Variants in SERAC1 observed in about 807,000 individuals in gnomAD.
SERAC1 encodes the protein protein SERAC1.
A neutral mutation model predicts 85.7 loss-of-function variants in SERAC1; 36 were observed. The observed-to-expected ratio is 0.42, with a 90% CI of 0.32 to 0.55. The LOEUF (loss-of-function observed/expected upper bound fraction) is 0.55. Ranked by LOEUF, SERAC1 falls within the 20% of genes least tolerant of loss-of-function variation. The pLI, the probability that SERAC1 is intolerant of heterozygous loss-of-function variation, is 0.11. For missense variants in SERAC1, 629 were observed against 796.2 expected, an observed-to-expected ratio of 0.79 and a Z score of 2.53; for synonymous variants, 242 against 265.3, an observed-to-expected ratio of 0.91 and a Z score of 0.85.
At chr6:158,121,801 A>C (rs550354264) in intron 10 of SERAC1, among the ~76,000 whole-genome samples, 1 of 152,226 alleles carries the variant, frequency 6.6e-6, no homozygotes, top group Non-Finnish European at 1.5e-5. Context: ...TTTATTTTTA[A>C]TGAAGTCACA....
At chr6:158,143,219 C>G in intron 7 of SERAC1, 35 bp from the exon 8 acceptor site, 5 of 1,604,638 alleles carry the variant, frequency 3.1e-6, no homozygotes, top group Non-Finnish European at 4.2e-6. Flanking sequence ...TTCATAAATA[C>G]TCAACAACTG....
chr6:158,163,075 T>C (rs569166622), intron 1 of SERAC1, among the ~76,000 whole-genome samples: 3 of 152,100 alleles, frequency 2.0e-5, no homozygotes, highest in Non-Finnish European at 2.9e-5. Flanking sequence ...ACAAGAGAAA[T>C]GTCCAATATC....
intron 2 of SERAC1, among the ~76,000 whole-genome samples, chr6:158,155,873 G>T (rs1025747373): frequency 6.6e-6 from 1 of 152,174 alleles, no homozygotes; most frequent in Non-Finnish European, 1.5e-5. Flanking sequence ...GGCCGGGTGC[G>T]GTGGCTCACG....
At chr6:158,133,591 TAGAC>T (rs1294277997) in intron 8 of SERAC1, among the ~76,000 whole-genome samples, 2 of 152,044 alleles carry the variant, frequency 1.3e-5, no homozygotes, top group Non-Finnish European at 2.9e-5. Flanking sequence ...TTCACCATGT[TAGAC>T]AGGATGGTCT....
In SERAC1 at chr6:158,111,547, C is replaced by T. The variant is rs1784144679; in HGVS notation, c.1829-45G>A. On this transcript the variant is annotated intron_variant, in intron 16 of 16. Coordinates refer to ENST00000647468, the MANE Select transcript of SERAC1 (RefSeq NM_032861.4). ...CAATAAACCTAAGTAAAAATATAAGCTTTCCCCTTGACAATACTGAAAGAG... is the reference window on the plus strand; with the variant it reads ...CAATAAACCTAAGTAAAAATATAAGTTTTCCCCTTGACAATACTGAAAGAG... 3.3e-6 allele frequency: 5 copies of T among 1,493,064 alleles called. No individual in the cohort carries two copies. In the East Asian group the frequency reaches 9.2e-5, roughly 28 times the overall value. 92.5% of individuals were successfully genotyped at this position (1,493,064 alleles called of 1,614,324 possible).
In SERAC1 at chr6:158,134,911, A is replaced by G. The variant is rs1468228521; in HGVS notation, c.739-4425T>C. On this transcript the variant is annotated intron_variant, in intron 8 of 16. Coordinates refer to ENST00000647468, the MANE Select transcript of SERAC1 (RefSeq NM_032861.4). ...AGAGAAAACTGGCAGACATCACTTT[A>G]ACCAAGTGAACAAAGGAAACATCAG... Among the ~76,000 whole-genome samples, 4 of 152,266 alleles carry G rather than the reference A, an allele frequency of 2.6e-5. No homozygotes were observed. The East Asian group carries it at 7.7e-4, about 29-fold the overall frequency.
At chr6:158,165,503 G>T (rs1045277545) in intron 1 of SERAC1, among the ~76,000 whole-genome samples, 1 of 152,060 alleles carries the variant, frequency 6.6e-6, no homozygotes, top group Non-Finnish European at 1.5e-5. Flanking sequence ...CTCTAGCTAC[G>T]ATCTTTCCTG....
chr6:158,145,702 T>TA (rs975154516), intron 6 of SERAC1, among the ~76,000 whole-genome samples: 31 of 152,002 alleles, frequency 2.0e-4, no homozygotes, highest in Admixed American at 5.9e-4. Flanking sequence ...TCTATTTTTT[T>TA]AGTAGAGACA....
chr6:158,148,989 T>C (rs371841164), intron 4 of SERAC1, 35 bp from the exon 5 acceptor site: 22 of 1,483,438 alleles, frequency 1.5e-5, no homozygotes, highest in Middle Eastern at 3.6e-4. Context: ...AAACCAAGAA[T>C]GTATTTTTTT....
At chr6:158,121,838 T>G (rs756002825) in intron 10 of SERAC1, among the ~76,000 whole-genome samples, 1 of 152,250 alleles carries the variant, frequency 6.6e-6, no homozygotes, top group Admixed American at 6.5e-5. Flanking sequence ...AAGCCATCTC[T>G]GGCTTTTTTC....
chr6:158,163,075 T>A lies in SERAC1; in HGVS notation c.-1-4711A>T, dbSNP rs569166622. 2.0e-5 allele frequency among the ~76,000 whole-genome samples: 3 copies of A among 152,218 alleles called. No individual in the cohort carries two copies. The East Asian group carries it at 5.8e-4, about 29-fold the overall frequency. On this transcript the variant is annotated intron_variant, in intron 1 of 16. Transcript: ENST00000647468. ...TTAGTCTGCTGGATCACAAGAGAAATGTCCAATATCCCCATTAATGAAGCC... is the reference window on the plus strand; with the variant it reads ...TTAGTCTGCTGGATCACAAGAGAAAAGTCCAATATCCCCATTAATGAAGCC...
chr6:158,115,523 A>G (rs958177612), intron 14 of SERAC1, among the ~76,000 whole-genome samples: 1 of 152,208 alleles, frequency 6.6e-6, no homozygotes, highest in Admixed American at 6.5e-5. Context: ...ACGAAGGGCT[A>G]CACCCACCTT....
intron 5 of SERAC1, among the ~76,000 whole-genome samples, chr6:158,147,928 A>G (rs1470516659): frequency 6.6e-6 from 1 of 152,128 alleles, no homozygotes; most frequent in Non-Finnish European, 1.5e-5. Flanking sequence ...ATGACATTTC[A>G]GCCTTTCACA....
At chr6:158,142,399 A>G (rs1583588655) in intron 8 of SERAC1, among the ~76,000 whole-genome samples, 1 of 152,002 alleles carries the variant, frequency 6.6e-6, no homozygotes, top group East Asian at 1.9e-4. Context: ...TCCTGGCCTC[A>G]GGCAATCCTC....
intron 7 of SERAC1, among the ~76,000 whole-genome samples, chr6:158,143,794 C>T (rs1278385004): frequency 1.3e-5 from 2 of 152,080 alleles, no homozygotes; most frequent in Non-Finnish European, 2.9e-5. Context: ...AAATCTATGG[C>T]AGTGTTTCTC....
chr6:158,141,688 AGGGAT>A (rs1784919579), intron 8 of SERAC1, among the ~76,000 whole-genome samples: 1 of 152,214 alleles, frequency 6.6e-6, no homozygotes, highest in Non-Finnish European at 1.5e-5. Flanking sequence ...AAAAAGAGCC[AGGGAT>A]ACCTTGTCAA....
chr6:158,117,865 CCA>C lies in SERAC1; in HGVS notation c.1309-46_1309-45del, dbSNP rs761940927. ...ATGTGAGAACAAGTATGAATCTTCA[CCA>C]CTGCAATTACTGCCTAGTAAATCAA... On this transcript the variant is annotated intron_variant, in intron 12 of 16. Transcript: ENST00000647468. This position sits in a 1 kb window ranked among gnomAD's most constrained non-coding sequence, Gnocchi z 4.3. The C allele has an allele frequency of 6.8e-7, 1 of 1,465,888 alleles. No homozygotes were observed. The highest frequency in any genetic ancestry group is 9.5e-7 in the Non-Finnish European group (1 of 1,050,208). 90.8% of individuals were successfully genotyped at this position (1,465,888 alleles called of 1,614,324 possible).
chr6:158,116,116 T>C, intron 14 of SERAC1, 69 bp downstream of exon 14: 1 of 1,268,184 alleles, frequency 7.9e-7, no homozygotes. Flanking sequence ...ATAAAATAAC[T>C]TTAGGTTGGC....
At chr6:158,122,240 G>A (rs1008871685) in intron 10 of SERAC1, among the ~76,000 whole-genome samples, 1 of 152,204 alleles carries the variant, frequency 6.6e-6, no homozygotes, top group Non-Finnish European at 1.5e-5. Flanking sequence ...TATACTTTGC[G>A]ATGTTTGCAC....
Sources: allele counts gnomAD v4.1 joint callset (sites outside exome capture counted in the v4.1 genomes callset), GRCh38; gene constraint gnomAD v4.1.1; non-coding constraint Gnocchi (gnomAD v3.1); transcripts MANE v1.5; gene names NCBI Gene and HGNC (gene_info 2026-07-23, HGNC 2026-07-21).